Variants in TRIM24 observed in about 807,000 individuals in gnomAD.
TRIM24 encodes transcription intermediary factor 1-alpha.
In TRIM24, 29 loss-of-function variants were observed where a neutral mutation model predicts 123.9. The observed-to-expected ratio is 0.23, with a 90% confidence interval of 0.17 to 0.32. The LOEUF is 0.32. Among genes scored for constraint, TRIM24 ranks in the 10% least tolerant of loss-of-function variants. TRIM24 has a pLI of 1.00. For synonymous variants in TRIM24, 456 were observed against 461.1 expected (o/e 0.99, Z 0.14); for missense variants, 932 against 1,295.3 (o/e 0.72, Z 4.31).
chr7:138,492,083 A>C (rs1256794945), intron 1 of TRIM24, among the ~76,000 whole-genome samples: 1 of 151,478 alleles, frequency 6.6e-6, no homozygotes, highest in Non-Finnish European at 1.5e-5. Context: ...CTGAGCAACA[A>C]AGGGAGACCC....
At chr7:138,508,905 A>G (rs1261376510) in intron 2 of TRIM24, among the ~76,000 whole-genome samples, 1 of 151,996 alleles carries the variant, frequency 6.6e-6, no homozygotes, top group Admixed American at 6.6e-5. Flanking sequence ...ATCATCATTG[A>G]GTTGGTCACC....
intron 9 of TRIM24, among the ~76,000 whole-genome samples, chr7:138,564,125 G>C (rs929344844): frequency 1.3e-5 from 2 of 152,174 alleles, no homozygotes; most frequent in Non-Finnish European, 1.5e-5. Context: ...CATGTAGGAG[G>C]GGGTATGGTG....
rs117208620 is a variant in TRIM24, at chr7:138,470,674, C to T, written c.364+9762C>T. Among the ~76,000 whole-genome samples, 90 of 152,210 alleles carry T rather than the reference C, an allele frequency of 5.9e-4. 3 individuals are homozygous for T. In the East Asian group the frequency reaches 0.016, roughly 27 times the overall value. On this transcript the variant is annotated intron_variant, in intron 1 of 18. Coordinates refer to ENST00000343526, the MANE Select transcript of TRIM24 (RefSeq NM_015905.3). ...ATGTATAATAACCTTAAAAAGTGAT[C>T]GCTTGTTTCAATTAACGACAGAGAC...
In TRIM24 at chr7:138,460,355, C is replaced by T. The variant is rs1375228446; in HGVS notation, c.-194C>T. The T allele has an allele frequency of 1.0e-5, 5 of 476,214 alleles. No individual in the cohort carries two copies. The highest frequency in any genetic ancestry group is 4.5e-5 in the Admixed American group (1 of 22,436). The allele number at this position is 476,214 out of a possible 1,614,324, so 29.5% of individuals were successfully genotyped here. On this transcript the variant is annotated 5_prime_UTR_variant, in exon 1 of 19. Coordinates refer to ENST00000343526, the MANE Select transcript of TRIM24 (RefSeq NM_015905.3). ...CGCTGACAGATACCCTCCTTCCGGC[C>T]GCGCCACTCGGGAGGCGGATCCCGT...
rs1185912216 is a variant in TRIM24 at position 138,544,501 on chromosome 7, C to T, written c.1143+5698C>T. On this transcript the variant is annotated intron_variant, in intron 7 of 18. Coordinates refer to ENST00000343526, the MANE Select transcript of TRIM24 (RefSeq NM_015905.3). The stretch of plus-strand genomic sequence containing the variant: ...GGGAGTGTAGATATCTCTACAAGGT[C>T]CTATTTCATTTCCTGTTGTAATATA... Among the ~76,000 whole-genome samples, 6 of 151,134 alleles carry T rather than the reference C, an allele frequency of 4.0e-5. No individual in the cohort carries two copies. In the South Asian group the frequency reaches 6.3e-4, roughly 16 times the overall value.
chr7:138,519,140 T>C (rs1796456504), intron 3 of TRIM24, 49 bp from the exon 4 acceptor site: 4 of 1,608,968 alleles, frequency 2.5e-6, no homozygotes, highest in South Asian at 2.2e-5. Flanking sequence ...AATTATTTAC[T>C]ATTCAATTAT....
rs1189374098 is a variant in TRIM24 at position 138,554,352 on chromosome 7, C to T, written c.1262-346C>T. ...ATGTGATTTCAGCTATTAAGCCAGA[C>T]ATTCAAACAGATTTTTTAAAACATC... On this transcript the variant is annotated intron_variant, in intron 8 of 18. Coordinates refer to ENST00000343526, the MANE Select transcript of TRIM24 (RefSeq NM_015905.3). This position sits in a 1 kb window ranked among gnomAD's most constrained non-coding sequence, Gnocchi z 4.5. Among the ~76,000 whole-genome samples the T allele has an allele frequency of 6.6e-6, 1 of 152,102 alleles. No individual in the cohort carries two copies. Among genetic ancestry groups the T allele is most frequent in the African/African-American group, 2.4e-5 (1 of 41,422 alleles).
In TRIM24 at chr7:138,519,191, G is replaced by T; in HGVS notation, c.634G>T (p.Ala212Ser). ...TTTGTCTCCCATTGTTTCTGCAGAG[G>T]CAGTTGGTGTCACCAGCCAGCGACC... ...VRQKEEVSPE[A>S]VGVTSQRPVF... Residue 212 changes from alanine to serine, a missense_variant and splice_region_variant, in exon 4 of 19, where the codon GCA becomes TCA. Ala to Ser is a moderately conservative substitution (Grantham distance 99). Transcript: ENST00000343526. 1 of 1,613,998 alleles carries T rather than the reference G, an allele frequency of 6.2e-7. No homozygotes were observed. The highest frequency in any genetic ancestry group is 8.5e-7 in the Non-Finnish European group (1 of 1,179,954).
At chr7:138,493,863 C>A (rs1039346932) in intron 1 of TRIM24, among the ~76,000 whole-genome samples, 1 of 152,158 alleles carries the variant, frequency 6.6e-6, no homozygotes, top group African/African-American at 2.4e-5. Flanking sequence ...AACCTTATCA[C>A]AGCTGTCTAA....
chr7:138,557,622 A>G (rs117730721), intron 9 of TRIM24, among the ~76,000 whole-genome samples: 6 of 152,222 alleles, frequency 3.9e-5, no homozygotes, highest in Admixed American at 3.3e-4. Flanking sequence ...AACATGGGCT[A>G]ATTTTTGGAT....
chr7:138,581,508 C>A (rs1797894394), intron 16 of TRIM24, among the ~76,000 whole-genome samples, 189 bp from the exon 17 acceptor site: 1 of 152,090 alleles, frequency 6.6e-6, no homozygotes. Flanking sequence ...TTAGTTCATT[C>A]AATTACAGGG....
chr7:138,513,490 C>T lies in TRIM24; in HGVS notation c.484-1722C>T, dbSNP rs141560976. Among the ~76,000 whole-genome samples, 300 of 152,288 alleles carry T rather than the reference C, an allele frequency of 2.0e-3. 2 individuals are homozygous for T. The highest frequency in any genetic ancestry group is 0.011 in the South Asian group (52 of 4,826). On this transcript the variant is annotated intron_variant, in intron 2 of 18. Transcript: ENST00000343526. ...TGTACAGGAAGCATGATCCTGGCAT[C>T]TGCTCAGCTTACGATCATGGCAGAA...
At chr7:138,497,923 G>C (rs1388415473) in intron 1 of TRIM24, among the ~76,000 whole-genome samples, 1 of 152,152 alleles carries the variant, frequency 6.6e-6, no homozygotes, top group Non-Finnish European at 1.5e-5. Context: ...GAACTTCTGA[G>C]CTCAAGTGAT....
chr7:138,483,261 A>G (rs372414093), intron 1 of TRIM24, among the ~76,000 whole-genome samples: 61 of 152,320 alleles, frequency 4.0e-4, no homozygotes, highest in African/African-American at 1.4e-3. Context: ...TTTTTTTTTC[A>G]ATAACTTTGT....
chr7:138,475,809 C>T (rs916639256), intron 1 of TRIM24, among the ~76,000 whole-genome samples: 1 of 152,142 alleles, frequency 6.6e-6, no homozygotes, highest in Non-Finnish European at 1.5e-5. Flanking sequence ...TGTGCCTAGC[C>T]CAACTCTGTC....
At chr7:138,505,895 G>A (rs1796142911) in intron 2 of TRIM24, among the ~76,000 whole-genome samples, 1 of 152,164 alleles carries the variant, frequency 6.6e-6, no homozygotes, top group African/African-American at 2.4e-5. Flanking sequence ...TAATTCTACA[G>A]TTTGTGCTAA....
Position 138,538,778 on chromosome 7 carries a change from C to T in TRIM24, c.1118C>T (p.Thr373Ile). 2.5e-6 allele frequency: 4 copies of T among 1,613,990 alleles called. No homozygotes were observed. The highest frequency in any genetic ancestry group is 2.2e-5 in the East Asian group (1 of 44,868). Residue 373 changes from threonine (T) to isoleucine (I), a missense_variant, in exon 7 of 19, where the codon ACA (threonine) becomes ATA (isoleucine). By Grantham distance (89) the Thr-to-Ile change is moderately conservative. Transcript: ENST00000343526. ...TGGGCAGTTTCCAGTGGCAGCAGTA[C>T]AGCATTACTTTATAGCAAACGACTG... The part of the protein sequence containing the change: ...SKWAVSSGSS[T>I]ALLYSKRLIT...
intron 2 of TRIM24, among the ~76,000 whole-genome samples, chr7:138,508,722 T>TGTGTGTGTGTGCGTGTGTGTGTGTGC (rs1258402332): frequency 3.2e-5 from 4 of 124,268 alleles, no homozygotes; most frequent in Admixed American, 9.9e-5. Flanking sequence ...TGTGTGTGCG[T>TGTGTGTGTGTGCGTGTGTGTGTGTGC]GTGTGTGTGT....
intron 9 of TRIM24, among the ~76,000 whole-genome samples, chr7:138,565,503 T>G (rs1797517747): frequency 6.6e-6 from 1 of 152,188 alleles, no homozygotes; most frequent in Non-Finnish European, 1.5e-5. Context: ...GTTCTCCCAG[T>G]GGCGCCTGGG....
Sources: allele counts gnomAD v4.1 joint callset (sites outside exome capture counted in the v4.1 genomes callset), GRCh38; gene constraint gnomAD v4.1.1; non-coding constraint Gnocchi (gnomAD v3.1); transcripts MANE v1.5; gene names NCBI Gene and HGNC (gene_info 2026-07-23, HGNC 2026-07-21).